Variants in ATOSB observed in about 807,000 individuals in gnomAD.
ATOSB encodes atos homolog protein B.
At chr9:35,105,353 G>A in the ATOSB span, 9 of 1,612,948 alleles carry the variant, frequency 5.6e-6, no homozygotes, top group Admixed American at 1.5e-4. The surrounding 1 kb of genome is among the most constrained non-coding windows in gnomAD (Gnocchi z 5.5). Context: ...GGCTTAAGCG[G>A]CCTGAGCGGG....
the ATOSB span, chr9:35,104,869 ATAAAT>A: frequency 5.8e-6 from 1 of 170,954 alleles, no homozygotes; most frequent in African/African-American, 2.4e-5. Context: ...TGAATAAATT[ATAAAT>A]TAAAAATAAA....
the ATOSB span, chr9:35,105,460 G>A: frequency 1.3e-6 from 2 of 1,488,508 alleles, no homozygotes; most frequent in Non-Finnish European, 1.8e-6. This position sits in a 1 kb window ranked among gnomAD's most constrained non-coding sequence, Gnocchi z 5.5. Context: ...GGGAGACCCA[G>A]GTGGGAGGAC....
the ATOSB span, chr9:35,110,689 T>C: frequency 3.3e-5 from 5 of 152,352 alleles, no homozygotes; most frequent in African/African-American, 7.2e-5. Flanking sequence ...CCCAACATGC[T>C]GAGGGAGCAA....
chr9:35,110,514 C>A, the ATOSB span: 1 of 152,330 alleles, frequency 6.6e-6, no homozygotes, highest in African/African-American at 2.4e-5. Flanking sequence ...CCCCTGCCAC[C>A]CAGCCAGTCT....
the ATOSB span, among the ~76,000 whole-genome samples, chr9:35,114,037 T>C: frequency 6.6e-6 from 1 of 152,250 alleles, no homozygotes; most frequent in Non-Finnish European, 1.5e-5. Context: ...CAATGACTGC[T>C]GAGGGCCTCT....
At chr9:35,108,762 G>T in the ATOSB span, 1 of 919,164 alleles carries the variant, frequency 1.1e-6, no homozygotes, top group Non-Finnish European at 1.3e-6. Context: ...ACAGACGTAA[G>T]CCAGGATCAC....
chr9:35,108,623 G>GCGT, the ATOSB span: 1 of 1,063,320 alleles, frequency 9.4e-7, no homozygotes, highest in South Asian at 3.5e-5. Context: ...GCCTAGCTGT[G>GCGT]CGTCCCCTCT....
chr9:35,108,010 C>G, the ATOSB span: 83 of 1,561,920 alleles, frequency 5.3e-5, no homozygotes, highest in Non-Finnish European at 6.8e-5. Context: ...GGTAGTCCCT[C>G]TCTGGCCCCC....
At chr9:35,105,509 T>G in the ATOSB span, 1 of 1,163,122 alleles carries the variant, frequency 8.6e-7, no homozygotes, top group African/African-American at 1.6e-5. This position sits in a 1 kb window ranked among gnomAD's most constrained non-coding sequence, Gnocchi z 5.5. Context: ...CTAAGCAACA[T>G]AGCGAGACCC....
chr9:35,107,218 G>A, the ATOSB span, among the ~76,000 whole-genome samples: 1 of 151,236 alleles, frequency 6.6e-6, no homozygotes, highest in African/African-American at 2.4e-5. Context: ...AGATACTTGG[G>A]AGGCTGAGGT....
chr9:35,106,760 C>G, the ATOSB span: 3 of 1,525,266 alleles, frequency 2.0e-6, no homozygotes, highest in Non-Finnish European at 2.7e-6. The surrounding 1 kb of genome is among the most constrained non-coding windows in gnomAD (Gnocchi z 4.6). Context: ...GTCCCCTACT[C>G]GGATGCTGGA....
At chr9:35,112,722 C>A in the ATOSB span, among the ~76,000 whole-genome samples, 1 of 152,136 alleles carries the variant, frequency 6.6e-6, no homozygotes, top group Admixed American at 6.5e-5. Flanking sequence ...TTCTCCCGGT[C>A]CTTCACAGAA....
chr9:35,108,023 C>T, the ATOSB span: 1 of 1,549,572 alleles, frequency 6.5e-7, no homozygotes, highest in South Asian at 1.2e-5. Context: ...TGGCCCCCAG[C>T]CCAGGGCCTC....
chr9:35,106,531 G>T, the ATOSB span: 2 of 1,582,898 alleles, frequency 1.3e-6, no homozygotes, highest in East Asian at 4.6e-5. The surrounding 1 kb of genome is among the most constrained non-coding windows in gnomAD (Gnocchi z 4.6). Context: ...ACCCCAACGG[G>T]AGCTACCTCA....
chr9:35,106,071 A>T, the ATOSB span: 1 of 1,555,628 alleles, frequency 6.4e-7, no homozygotes, highest in Non-Finnish European at 8.7e-7. This position sits in a 1 kb window ranked among gnomAD's most constrained non-coding sequence, Gnocchi z 4.6. Context: ...CCCTAAACAC[A>T]TGTCCCTCTC....
At chr9:35,108,684 G>A in the ATOSB span, 1 of 1,005,200 alleles carries the variant, frequency 9.9e-7, no homozygotes, top group Non-Finnish European at 1.2e-6. Flanking sequence ...CATGCCTGCT[G>A]CACTGGCAAG....
At chr9:35,105,327 C>T in the ATOSB span, 4 of 1,613,940 alleles carry the variant, frequency 2.5e-6, no homozygotes, top group Non-Finnish European at 2.5e-6. This position sits in a 1 kb window ranked among gnomAD's most constrained non-coding sequence, Gnocchi z 5.5. Context: ...AAAAAGCAGG[C>T]GGATATCTCC....
chr9:35,109,880 A>C, the ATOSB span: 28 of 152,458 alleles, frequency 1.8e-4, no homozygotes, highest in African/African-American at 6.5e-4. Flanking sequence ...CCACCCCTCC[A>C]TCCAACCCCA....
the ATOSB span, chr9:35,108,717 G>A: frequency 9.0e-4 from 896 of 993,742 alleles, 1 homozygote; most frequent in Non-Finnish European, 1.0e-3. Flanking sequence ...ATTCCGTGCA[G>A]CTCCTGAGCT....
Sources: allele counts gnomAD v4.1 joint callset (sites outside exome capture counted in the v4.1 genomes callset), GRCh38; gene constraint gnomAD v4.1.1; non-coding constraint Gnocchi (gnomAD v3.1); transcripts MANE v1.5; gene names NCBI Gene and HGNC (gene_info 2026-07-23, HGNC 2026-07-21).